Variants in EPHB1 observed in about 807,000 individuals in gnomAD.
The protein encoded by EPHB1 is ephrin type-B receptor 1.
Under a neutral mutation model 94.4 loss-of-function variants are expected in EPHB1, and 30 were observed. The observed-to-expected ratio is 0.32, with a 90% CI of 0.24 to 0.43. EPHB1 has a LOEUF of 0.43. EPHB1 is among the 20% of genes least tolerant of loss of function. The pLI is 1.00. For synonymous variants in EPHB1, 522 were observed against 489.1 expected (o/e 1.07, Z -0.89); for missense variants, 1,055 against 1,308.3 (o/e 0.81, Z 2.99).
intron 12 of EPHB1, among the ~76,000 whole-genome samples, chr3:135,205,891 T>C (rs891589189): frequency 2.6e-5 from 4 of 152,204 alleles, no homozygotes; most frequent in Non-Finnish European, 4.4e-5. Flanking sequence ...AAAGTGTGCA[T>C]AGAGTAAAAC....
chr3:134,855,763 A>T (rs1560265709), intron 1 of EPHB1, among the ~76,000 whole-genome samples: 1 of 152,306 alleles, frequency 6.6e-6, no homozygotes, highest in East Asian at 1.9e-4. Flanking sequence ...ACAGGGAAAA[A>T]GAAAGCTAGG....
chr3:134,798,313 T>C (rs2035870297), intron 1 of EPHB1, among the ~76,000 whole-genome samples: 1 of 151,876 alleles, frequency 6.6e-6, no homozygotes, highest in Non-Finnish European at 1.5e-5. Flanking sequence ...GGCAGGGCCC[T>C]AAGACACCCC....
chr3:135,007,592 C>G (rs959857513), intron 3 of EPHB1, among the ~76,000 whole-genome samples: 2 of 152,062 alleles, frequency 1.3e-5, no homozygotes, highest in Non-Finnish European at 2.9e-5. Context: ...GCAGACTCAC[C>G]CTAGGTCATG....
At chr3:135,132,648 A>C in intron 4 of EPHB1, 66 bp from the exon 5 acceptor site, 1 of 1,419,096 alleles carries the variant, frequency 7.0e-7, no homozygotes, top group South Asian at 1.4e-5. Flanking sequence ...CCAGAGGCAG[A>C]CAAGAGAGCT....
chr3:135,252,309 C>A (rs1264801451), intron 15 of EPHB1, among the ~76,000 whole-genome samples: 1 of 150,476 alleles, frequency 6.6e-6, no homozygotes, highest in Non-Finnish European at 1.5e-5. Context: ...TGGTGCGCTG[C>A]ACCCACTAAC....
chr3:134,801,924 A>T (rs2035941661), intron 1 of EPHB1, among the ~76,000 whole-genome samples: 1 of 152,190 alleles, frequency 6.6e-6, no homozygotes, highest in Non-Finnish European at 1.5e-5. Flanking sequence ...CTTTCCAGGG[A>T]GGCCTGGAGG....
At position 135,248,513 on chromosome 3, in the gene EPHB1, A is replaced by G. The variant is rs1442655088; in HGVS notation, c.2690+4A>G. 1.3e-6 allele frequency: 2 copies of G among 1,584,270 alleles called. No homozygotes were observed. The highest frequency in any genetic ancestry group is 2.3e-5 in the East Asian group (1 of 43,698). ...CTGTGGCAACCATCACCGCCGTGTG[A>G]GTCTAGTGAAACGGTGATCCCTAAA... On this transcript the variant is annotated splice_donor_region_variant and intron_variant, in intron 14 of 15. Coordinates refer to ENST00000398015, the MANE Select transcript of EPHB1 (RefSeq NM_004441.5).
chr3:134,905,682 GTGC>G (rs1356028377), intron 1 of EPHB1, among the ~76,000 whole-genome samples: 1 of 152,180 alleles, frequency 6.6e-6, no homozygotes. Flanking sequence ...CTCTTTTCCT[GTGC>G]TGAGGTCTGG....
intron 3 of EPHB1, among the ~76,000 whole-genome samples, chr3:135,067,315 G>A (rs1280599733): frequency 6.6e-6 from 1 of 152,126 alleles, no homozygotes; most frequent in Admixed American, 6.5e-5. Context: ...CAATGAGGTG[G>A]AGGCAGGGCT....
At chr3:135,024,883 G>A (rs1936094998) in intron 3 of EPHB1, among the ~76,000 whole-genome samples, 1 of 151,790 alleles carries the variant, frequency 6.6e-6, no homozygotes, top group Admixed American at 6.6e-5. Context: ...TGAGGATTTG[G>A]ATCTCTTGCC....
intron 1 of EPHB1, among the ~76,000 whole-genome samples, chr3:134,825,324 T>A (rs1165282202): frequency 1.3e-5 from 2 of 152,212 alleles, no homozygotes. Flanking sequence ...TCAGGCCAGG[T>A]CTATTGTAGC....
chr3:134,924,160 G>C (rs2038743595), intron 1 of EPHB1, among the ~76,000 whole-genome samples: 1 of 152,080 alleles, frequency 6.6e-6, no homozygotes. Context: ...ACCTAGGTAG[G>C]AGAAAAAAAT....
intron 4 of EPHB1, among the ~76,000 whole-genome samples, chr3:135,121,031 C>T (rs902658156): frequency 1.3e-5 from 2 of 152,182 alleles, no homozygotes; most frequent in Non-Finnish European, 2.9e-5. Flanking sequence ...CTCCTCCAGT[C>T]TGGTCCAGGT....
At chr3:135,005,658 TG>T (rs1935375596) in intron 3 of EPHB1, among the ~76,000 whole-genome samples, 1 of 152,244 alleles carries the variant, frequency 6.6e-6, no homozygotes, top group Non-Finnish European at 1.5e-5. Context: ...TATAATCTCC[TG>T]GTGCGCTGTT....
At chr3:134,903,887 G>A (rs1409107117) in intron 1 of EPHB1, among the ~76,000 whole-genome samples, 2 of 152,186 alleles carry the variant, frequency 1.3e-5, no homozygotes, top group Non-Finnish European at 2.9e-5. Context: ...TGACCCCACC[G>A]CAGCCAGATG....
At chr3:134,862,054 C>T (rs1007212378) in intron 1 of EPHB1, among the ~76,000 whole-genome samples, 3 of 152,114 alleles carry the variant, frequency 2.0e-5, no homozygotes, top group Non-Finnish European at 2.9e-5. Flanking sequence ...CAGGGATTCC[C>T]GAGAACATTG....
intron 2 of EPHB1, among the ~76,000 whole-genome samples, chr3:134,932,514 G>A (rs569489878): frequency 2.7e-4 from 41 of 152,288 alleles, no homozygotes; most frequent in African/African-American, 8.7e-4. Context: ...CTCAGGTCCT[G>A]GCATCAAATA....
chr3:134,898,923 C>G (rs907979769), intron 1 of EPHB1, among the ~76,000 whole-genome samples: 1 of 152,140 alleles, frequency 6.6e-6, no homozygotes, highest in Non-Finnish European at 1.5e-5. Flanking sequence ...TGACTCTAGG[C>G]AGTCTTCAGA....
chr3:135,237,511 TCC>T lies in EPHB1; in HGVS notation c.2347-3635_2347-3634del, dbSNP rs1233730908. Among the ~76,000 whole-genome samples, 29 of 152,000 alleles carry T rather than the reference TCC, an allele frequency of 1.9e-4. No homozygotes were observed. The East Asian group carries it at 4.9e-3, about 25-fold the overall frequency. On this transcript the variant is annotated intron_variant, in intron 12 of 15. Coordinates refer to ENST00000398015, the MANE Select transcript of EPHB1 (RefSeq NM_004441.5). ...GCTGCCTCTTCCTCTTCTTCTCTTC[TCC>T]CTCCCCCATGCTCCAACAGTGACCC... is the stretch of plus-strand genomic sequence containing the variant.
Sources: allele counts gnomAD v4.1 joint callset (sites outside exome capture counted in the v4.1 genomes callset), GRCh38; gene constraint gnomAD v4.1.1; transcripts MANE v1.5; gene names NCBI Gene and HGNC (gene_info 2026-07-23, HGNC 2026-07-21).